Variants in OTOG observed in about 807,000 individuals in gnomAD.
The protein encoded by OTOG is otogelin.
A neutral mutation model predicts 313.8 loss-of-function variants in OTOG; 296 were observed. The ratio of observed to expected loss-of-function variants is 0.94; its 90% confidence interval spans 0.86 to 1.04. The LOEUF is 1.04. OTOG is among the 50% of genes least tolerant of loss of function. The probability of loss-of-function intolerance (pLI) is 0.00; values close to 1 mark genes in which losing one functional copy is unlikely to be tolerated. For synonymous variants in OTOG, 1,533 were observed against 1,554.9 expected, an observed-to-expected ratio of 0.99 and a Z score of 0.33; for missense variants, 3,948 against 3,840.1, an observed-to-expected ratio of 1.03 and a Z score of -0.74.
intron 16 of OTOG, among the ~76,000 whole-genome samples, chr11:17,569,610 T>G (rs551560775): frequency 5.3e-5 from 8 of 152,314 alleles, no homozygotes; most frequent in African/African-American, 1.7e-4. Context: ...GGAACTTATG[T>G]GTAGCTCATA....
At position 17,608,357 on chromosome 11, in the gene OTOG, C is replaced by T. The variant is rs1053104776; in HGVS notation, c.4218C>T (p.Ser1406=). Residue 1406 remains serine (S), a synonymous_variant, in exon 34 of 56, where the codon AGC becomes AGT. Transcript: ENST00000399397. ...AGTGGCGCTACGATGCCTGTGCCAGCCCCTGCTTCCAAACCTGCCGGGACC... is the reference window on the plus strand; with the variant it reads ...AGTGGCGCTACGATGCCTGTGCCAGTCCCTGCTTCCAAACCTGCCGGGACC... The part of the protein sequence containing the change: ...ICEWRYDACA[S]PCFQTCRDPR... The T allele has an allele frequency of 1.1e-5, 17 of 1,547,498 alleles. No homozygotes were observed. The highest frequency in any genetic ancestry group is 1.5e-5 in the Non-Finnish European group (17 of 1,145,880).
rs1048658951 is a variant in OTOG at position 17,574,912 on chromosome 11, G to A, written c.2486G>A (p.Arg829Gln). ...ACCCAGGCTGACCTCTGTGTCCCCC[G>A]GTGAGTGGGTCAGCTTGATCTCTGA... ...LDTQADLCVP[R>Q]NQCSCHFQGV... Residue 829 changes from arginine (R) to glutamine (Q), a missense_variant and splice_region_variant, in exon 20 of 56, where the codon CGG (arginine) becomes CAG (glutamine). Arg to Gln is a conservative substitution (Grantham distance 43). Transcript: ENST00000399397. 82 of 1,499,668 alleles carry A rather than the reference G, an allele frequency of 5.5e-5. No individual in the cohort carries two copies. The highest frequency in any genetic ancestry group is 7.0e-5 in the Non-Finnish European group (78 of 1,119,166). The allele number at this position is 1,499,668 out of a possible 1,614,324, so 92.9% of individuals were successfully genotyped here.
chr11:17,605,791 G>A lies in OTOG; in HGVS notation c.3878-66G>A, dbSNP rs1853368441. 7 of 1,467,720 alleles carry A rather than the reference G, an allele frequency of 4.8e-6. No homozygotes were observed. The East Asian group carries it at 1.7e-4, about 37-fold the overall frequency. 90.9% of individuals were successfully genotyped at this position (1,467,720 alleles called of 1,614,324 possible). A position where few individuals can be genotyped will look rare whatever the true frequency, so the allele number is the denominator to read the frequency against. On this transcript the variant is annotated intron_variant, in intron 32 of 55. Coordinates refer to ENST00000399397, the MANE Select transcript of OTOG (RefSeq NM_001292063.2). ...TCGCTGAGAGAGCAGATGTGTGCCA[G>A]GATGCTGTTCCCGCAGCCACCTGGA...
chr11:17,591,732 C>T, intron 25 of OTOG, 144 bp downstream of exon 25: 1 of 1,094,588 alleles, frequency 9.1e-7, no homozygotes, highest in Non-Finnish European at 1.3e-6. Flanking sequence ...GGAAGAAGTG[C>T]TGAGGCACAA....
intron 24 of OTOG, among the ~76,000 whole-genome samples, chr11:17,587,184 A>C (rs1448135567): frequency 1.3e-5 from 2 of 152,214 alleles, no homozygotes; most frequent in Non-Finnish European, 1.5e-5. Context: ...TGTGTATGAA[A>C]GTACGTGTGA....
At chr11:17,578,324 G>T in intron 22 of OTOG, 49 bp from the exon 23 acceptor site, 1 of 1,434,642 alleles carries the variant, frequency 7.0e-7, no homozygotes. Context: ...TAGCCCAGGA[G>T]CCCATACTGA....
chr11:17,639,318 T>A, intron 48 of OTOG, 105 bp from the exon 49 acceptor site: 1 of 1,228,380 alleles, frequency 8.1e-7, no homozygotes, highest in East Asian at 2.6e-5. Context: ...TGGAGCTGGG[T>A]CTTCAGAAGA....
intron 38 of OTOG, among the ~76,000 whole-genome samples, chr11:17,613,397 C>CT (rs1411967958): frequency 7.2e-6 from 1 of 138,506 alleles, no homozygotes; most frequent in African/African-American, 2.7e-5. Flanking sequence ...TCCTTCCTTC[C>CT]TTTTTTTCTG....
intron 46 of OTOG, 91 bp from the exon 47 acceptor site, chr11:17,635,519 T>G: frequency 1.1e-6 from 1 of 949,296 alleles, no homozygotes; most frequent in African/African-American, 1.6e-5. Flanking sequence ...CACACCTGGG[T>G]TGTTGAGGAG....
At chr11:17,633,966 T>G in intron 43 of OTOG, 92 bp downstream of exon 43, 2 of 1,479,088 alleles carry the variant, frequency 1.4e-6, no homozygotes, top group Non-Finnish European at 1.8e-6. Context: ...CTGCATCCTT[T>G]CAGGTCTGCT....
At chr11:17,557,792 T>C (rs1852087247) in intron 8 of OTOG, among the ~76,000 whole-genome samples, 1 of 152,246 alleles carries the variant, frequency 6.6e-6, no homozygotes, top group South Asian at 2.1e-4. Flanking sequence ...CTAAACACTT[T>C]ACATGCATCA....
At chr11:17,571,378 T>C (rs149811546) in intron 17 of OTOG, among the ~76,000 whole-genome samples, 6 of 152,296 alleles carry the variant, frequency 3.9e-5, no homozygotes, top group South Asian at 2.1e-4. Context: ...GCATGGTGGG[T>C]GCCAGGCAGA....
At chr11:17,634,735 G>A (rs573900268) in intron 44 of OTOG, 109 bp from the exon 45 acceptor site, 697 of 866,510 alleles carry the variant, frequency 8.0e-4, no homozygotes, top group Non-Finnish European at 1.2e-3. Context: ...GCTGGGGGGA[G>A]GAGTGGGGCC....
chr11:17,574,385 C>A (rs1852471229), intron 19 of OTOG, among the ~76,000 whole-genome samples: 1 of 152,062 alleles, frequency 6.6e-6, no homozygotes, highest in Admixed American at 6.5e-5. Context: ...GGGGTGGGTG[C>A]AGGGCCTTAG....
intron 48 of OTOG, chr11:17,638,794 C>A: frequency 6.7e-7 from 1 of 1,500,414 alleles, no homozygotes; most frequent in Non-Finnish European, 9.0e-7. Flanking sequence ...AGAGGGTTTC[C>A]GTCTTAAAAA....
At position 17,593,735 on chromosome 11, in the gene OTOG, C is replaced by T; in HGVS notation, c.3267C>T (p.Val1089=). The T allele has an allele frequency of 6.5e-7, 1 of 1,548,630 alleles. No individual in the cohort carries two copies. Among genetic ancestry groups the T allele is most frequent in the Non-Finnish European group, 8.7e-7 (1 of 1,146,912 alleles). Residue 1089 remains valine, a synonymous_variant, in exon 27 of 56, where the codon GTC becomes GTT. Coordinates refer to ENST00000399397, the MANE Select transcript of OTOG (RefSeq NM_001292063.2). Reference sequence around the variant, plus strand: ...GGGACCAGAGAACCACAGTGCACGTCCAGGCTGGGCCTCAGTGGCAGGTAC... The same window carrying T: ...GGGACCAGAGAACCACAGTGCACGTTCAGGCTGGGCCTCAGTGGCAGGTAC... ...LLWDQRTTVH[V]QAGPQWQGQL...
At chr11:17,566,569 C>G (rs1034218761) in intron 15 of OTOG, among the ~76,000 whole-genome samples, 2 of 152,204 alleles carry the variant, frequency 1.3e-5, no homozygotes, top group African/African-American at 4.8e-5. Context: ...ATCCATTCCA[C>G]ATGGATCATT....
intron 19 of OTOG, 23 bp downstream of exon 19, chr11:17,573,313 G>A (rs370428693): frequency 6.7e-7 from 1 of 1,501,938 alleles, no homozygotes; most frequent in Admixed American, 2.0e-5. Flanking sequence ...CCCATGTGAG[G>A]CTGAGCTGGA....
intron 24 of OTOG, among the ~76,000 whole-genome samples, chr11:17,588,444 C>T (rs1326500534): frequency 6.6e-6 from 1 of 152,156 alleles, no homozygotes; most frequent in Admixed American, 6.5e-5. Flanking sequence ...TGGTCGGCAG[C>T]ATGGTCAGGC....
Sources: allele counts gnomAD v4.1 joint callset (sites outside exome capture counted in the v4.1 genomes callset), GRCh38; gene constraint gnomAD v4.1.1; transcripts MANE v1.5; gene names NCBI Gene and HGNC (gene_info 2026-07-23, HGNC 2026-07-21).